The following MAD1L1 variants were observed in gnomAD, a reference collection of about 807,000 sequenced individuals.
MAD1L1 encodes mitotic spindle assembly checkpoint protein MAD1.
In MAD1L1, 95 loss-of-function variants were observed where a neutral mutation model predicts 96.9. The ratio of observed to expected loss-of-function variants is 0.98; its 90% confidence interval spans 0.83 to 1.16. The LOEUF is 1.16. Among genes scored for constraint, MAD1L1 ranks in the 50% most tolerant of loss-of-function variants. The pLI is 0.00. For missense variants in MAD1L1, 1,007 were observed against 954.4 expected, an observed-to-expected ratio of 1.06 and a Z score of -0.73; for synonymous variants, 473 against 396.6, an observed-to-expected ratio of 1.19 and a Z score of -2.29.
intron 11 of MAD1L1, among the ~76,000 whole-genome samples, chr7:2,106,179 C>G (rs1031847900): frequency 1.3e-5 from 2 of 152,006 alleles, no homozygotes; most frequent in African/African-American, 2.4e-5. Context: ...TACGCCTAGG[C>G]TAGGAATTGG....
chr7:1,925,580 A>T (rs912625097), intron 17 of MAD1L1, among the ~76,000 whole-genome samples: 2 of 152,194 alleles, frequency 1.3e-5, no homozygotes, highest in Admixed American at 6.5e-5. Context: ...GAATCCACTC[A>T]CCAAGGTGGA....
intron 17 of MAD1L1, among the ~76,000 whole-genome samples, chr7:1,936,481 C>T (rs1778611047): frequency 6.6e-6 from 1 of 152,230 alleles, no homozygotes; most frequent in African/African-American, 2.4e-5. Context: ...CGGATGGCTC[C>T]ACCTGTTTGC....
At chr7:1,821,916 C>G (rs61454701) in intron 18 of MAD1L1, among the ~76,000 whole-genome samples, 3 of 152,136 alleles carry the variant, frequency 2.0e-5, no homozygotes, top group African/African-American at 7.2e-5. Flanking sequence ...GAGCTCCTCA[C>G]GCCAGGGCAT....
At chr7:2,159,716 A>G (rs1449391652) in intron 10 of MAD1L1, among the ~76,000 whole-genome samples, 1 of 152,212 alleles carries the variant, frequency 6.6e-6, no homozygotes, top group African/African-American at 2.4e-5. Context: ...AACTCAGACC[A>G]CTGGATTAAA....
rs527860658 is a variant in MAD1L1 at position 1,905,329 on chromosome 7, T to C, written c.1808-6939A>G. ...CAGGCAGCAAGGATGCAGTGGCCTA[T>C]GGAAGACGTTCTTGTGGAACTCATG... On this transcript the variant is annotated intron_variant, in intron 17 of 18. Transcript: ENST00000265854. Among the ~76,000 whole-genome samples the C allele has an allele frequency of 1.9e-4, 17 of 87,764 alleles. 1 individual carries two copies. In the South Asian group the frequency reaches 2.1e-3, roughly 11 times the overall value. The allele number at this position is 87,764 out of a possible 152,430, so 57.6% of individuals were successfully genotyped here.
intron 11 of MAD1L1, among the ~76,000 whole-genome samples, chr7:2,118,580 A>C (rs1297565171): frequency 6.6e-6 from 1 of 152,214 alleles, no homozygotes; most frequent in Non-Finnish European, 1.5e-5. Context: ...AGCACTATCA[A>C]GGCTGTTGTT....
In MAD1L1 at chr7:2,056,112, C is replaced by T. The variant is rs567598647; in HGVS notation, c.1218+13082G>A. On this transcript the variant is annotated intron_variant, in intron 12 of 18. Transcript: ENST00000265854. Reference sequence around the variant, plus strand: ...CGGGGCCACAGAGCTGACCCCCCGACGCCTCAGCGGGCGCCACAGGGAACA... The same window carrying T: ...CGGGGCCACAGAGCTGACCCCCCGATGCCTCAGCGGGCGCCACAGGGAACA... Among the ~76,000 whole-genome samples, 11 of 152,380 alleles carry T rather than the reference C, an allele frequency of 7.2e-5. No homozygotes were observed. In the East Asian group the frequency reaches 1.5e-3, roughly 21 times the overall value.
In MAD1L1 at chr7:1,861,062, C is replaced by T. The variant is rs1044842941; in HGVS notation, c.1998+37138G>A. 7.2e-5 allele frequency among the ~76,000 whole-genome samples: 11 copies of T among 152,236 alleles called. No individual in the cohort carries two copies. The South Asian group carries it at 8.3e-4, about 11-fold the overall frequency. On this transcript the variant is annotated intron_variant, in intron 18 of 18. Transcript: ENST00000265854. ...CGTCACTGGGACACCCAGTCTGTAC[C>T]GCACAAGTCCCAGCACGCAAGCCCA...
chr7:2,184,017 G>A (rs554658155), intron 10 of MAD1L1, among the ~76,000 whole-genome samples: 5 of 152,086 alleles, frequency 3.3e-5, no homozygotes, highest in Non-Finnish European at 7.4e-5. Context: ...TTGGGAGGCC[G>A]AGGCGGGTGG....
rs1323858618 is a variant in MAD1L1 at position 2,102,325 on chromosome 7, T to C, written c.1074-32987A>G. Among the ~76,000 whole-genome samples, 39 of 102,582 alleles carry C rather than the reference T, an allele frequency of 3.8e-4. No individual in the cohort carries two copies. The South Asian group carries it at 0.013, about 35-fold the overall frequency. 67.3% of individuals were successfully genotyped at this position (102,582 alleles called of 152,430 possible). A position where few individuals can be genotyped will look rare whatever the true frequency, so the allele number is the denominator to read the frequency against. ...ATCACCACCGTCACCATCACCGCCGTCACCATCACCATCACCACCGCCACC... is the reference window on the plus strand; with the variant it reads ...ATCACCACCGTCACCATCACCGCCGCCACCATCACCATCACCACCGCCACC... On this transcript the variant is annotated intron_variant, in intron 11 of 18. Coordinates refer to ENST00000265854, the MANE Select transcript of MAD1L1 (RefSeq NM_001013836.2).
At chr7:2,126,273 C>T (rs1416211667) in intron 11 of MAD1L1, among the ~76,000 whole-genome samples, 1 of 152,208 alleles carries the variant, frequency 6.6e-6, no homozygotes, top group African/African-American at 2.4e-5. Flanking sequence ...AGAGTGCAAC[C>T]CTCGGAGGGC....
intron 14 of MAD1L1, among the ~76,000 whole-genome samples, chr7:1,997,689 G>A (rs1329073927): frequency 1.3e-5 from 2 of 152,266 alleles, no homozygotes; most frequent in African/African-American, 4.8e-5. Flanking sequence ...TGGAGCCCAG[G>A]GCTGCACAGC....
intron 11 of MAD1L1, among the ~76,000 whole-genome samples, chr7:2,139,995 C>G (rs1425612015): frequency 6.6e-6 from 1 of 150,992 alleles, no homozygotes; most frequent in Non-Finnish European, 1.5e-5. Context: ...GACCCCGCCC[C>G]CCCCCAGTCC....
intron 18 of MAD1L1, among the ~76,000 whole-genome samples, chr7:1,866,386 G>A (rs1453942507): frequency 6.6e-6 from 1 of 152,198 alleles, no homozygotes; most frequent in Admixed American, 6.5e-5. Context: ...AACCCTAACT[G>A]GTTCTGTAAA....
Position 1,905,425 on chromosome 7 carries a change from T to C in MAD1L1, c.1808-7035A>G, listed in dbSNP as rs1319101135. Among the ~76,000 whole-genome samples, 4 of 145,920 alleles carry C rather than the reference T, an allele frequency of 2.7e-5. 2 individuals carry two copies. The highest frequency in any genetic ancestry group is 6.1e-5 in the Non-Finnish European group (4 of 65,932). On this transcript the variant is annotated intron_variant, in intron 17 of 18. Transcript: ENST00000265854. ...GAAGACGCTCTTGTGGAACTCATGATTGATGAAGCACTGTTCCAGGCAGCA... is the reference window on the plus strand; with the variant it reads ...GAAGACGCTCTTGTGGAACTCATGACTGATGAAGCACTGTTCCAGGCAGCA...
chr7:1,863,986 G>A (rs942988161), intron 18 of MAD1L1, among the ~76,000 whole-genome samples: 2 of 128,114 alleles, frequency 1.6e-5, no homozygotes, highest in African/African-American at 6.7e-5. Context: ...TACTCTGGAG[G>A]CTGAGGCAGA....
chr7:2,057,858 G>A (rs1348148357), intron 12 of MAD1L1, among the ~76,000 whole-genome samples: 2 of 152,214 alleles, frequency 1.3e-5, no homozygotes, highest in Non-Finnish European at 2.9e-5. Flanking sequence ...GCTTACTGAT[G>A]GATTACCAAA....
At chr7:1,956,520 A>G (rs1019671843) in intron 16 of MAD1L1, among the ~76,000 whole-genome samples, 1 of 152,190 alleles carries the variant, frequency 6.6e-6, no homozygotes, top group Non-Finnish European at 1.5e-5. Flanking sequence ...CCAAATGGCC[A>G]CACTGGCCAC....
chr7:2,068,184 CAGCATCTG>C (rs1784967306), intron 12 of MAD1L1, among the ~76,000 whole-genome samples: 1 of 152,200 alleles, frequency 6.6e-6, no homozygotes, highest in Admixed American at 6.5e-5. Flanking sequence ...GCTTTGGGGT[CAGCATCTG>C]AGCTATGCGC....
Sources: allele counts gnomAD v4.1 joint callset (sites outside exome capture counted in the v4.1 genomes callset), GRCh38; gene constraint gnomAD v4.1.1; transcripts MANE v1.5; gene names NCBI Gene and HGNC (gene_info 2026-07-23, HGNC 2026-07-21).